The following CNTNAP3B variants were observed in gnomAD, a reference collection of about 807,000 sequenced individuals.
CNTNAP3B encodes the protein contactin associated protein family member 3B, also known as contactin-associated protein-like 3B.
CNTNAP3B carries 25 observed loss-of-function variants against 108.9 expected under a neutral mutation model. The ratio of observed to expected loss-of-function variants is 0.23; its 90% CI spans 0.17 to 0.32. CNTNAP3B has a LOEUF of 0.32. CNTNAP3B is among the 10% of genes least tolerant of loss of function. The pLI is 1.00. For missense variants in CNTNAP3B, 252 were observed against 1,210.4 expected (o/e 0.21, Z 11.75); for synonymous variants, 103 against 473.4 (o/e 0.22, Z 10.16).
At chr9:41,934,003 T>C (rs556566973) in intron 14 of CNTNAP3B, among the ~76,000 whole-genome samples, 5 of 151,626 alleles carry the variant, frequency 3.3e-5, no homozygotes, top group Non-Finnish European at 5.9e-5. Flanking sequence ...AATTATAATA[T>C]TAAAATATTC....
At chr9:41,954,873 CG>C (rs1824807471) in intron 12 of CNTNAP3B, among the ~76,000 whole-genome samples, 1 of 152,138 alleles carries the variant, frequency 6.6e-6, no homozygotes, top group Non-Finnish European at 1.5e-5. Context: ...TTGGTAGAGA[CG>C]GGGGTTTCAC....
chr9:42,117,624 GC>G (rs1395910904), intron 1 of CNTNAP3B, among the ~76,000 whole-genome samples: 5 of 137,088 alleles, frequency 3.6e-5, no homozygotes, highest in African/African-American at 1.5e-4. Flanking sequence ...AACCAGAGAA[GC>G]AAGAGCAAAC....
chr9:42,119,936 C>T lies in CNTNAP3B; in HGVS notation c.85+9074G>A, dbSNP rs1176886511. Among the ~76,000 whole-genome samples, 6 of 140,038 alleles carry T rather than the reference C, an allele frequency of 4.3e-5. 1 individual carries two copies. Among genetic ancestry groups the T allele is most frequent in the African/African-American group, 1.4e-4 (5 of 35,434 alleles). 91.9% of individuals were successfully genotyped at this position (140,038 alleles called of 152,430 possible). ...ATGGGCAAGGACTTCATGTCTAAAACACCAAAAGCAATGGCAACAAAAGCC... is the reference window on the plus strand; with the variant it reads ...ATGGGCAAGGACTTCATGTCTAAAATACCAAAAGCAATGGCAACAAAAGCC... On this transcript the variant is annotated intron_variant, in intron 1 of 23. Coordinates refer to ENST00000377561, the MANE Select transcript of CNTNAP3B (RefSeq NM_001201380.3).
chr9:41,981,735 C>T (rs1487331654), intron 9 of CNTNAP3B, among the ~76,000 whole-genome samples: 1 of 34,488 alleles, frequency 2.9e-5, no homozygotes, highest in Non-Finnish European at 5.4e-5. Context: ...ATACAAAAAT[C>T]AACTCAAGAT....
chr9:41,972,936 C>CTTT (rs1212724871), intron 9 of CNTNAP3B, among the ~76,000 whole-genome samples: 11 of 47,800 alleles, frequency 2.3e-4, no homozygotes, highest in Non-Finnish European at 3.5e-4. Context: ...CTTAGGTTAT[C>CTTT]TTTTTTTTTT....
intron 13 of CNTNAP3B, among the ~76,000 whole-genome samples, chr9:41,942,522 A>G (rs78378003): frequency 2.0e-4 from 30 of 151,046 alleles, no homozygotes; most frequent in Non-Finnish European, 4.1e-4. Context: ...GAGGCGGGAG[A>G]ATGGCGTGAA....
Position 42,113,428 on chromosome 9 carries a change from C to T in CNTNAP3B, c.86-8689G>A, listed in dbSNP as rs1168442474. On this transcript the variant is annotated intron_variant, in intron 1 of 23. Transcript: ENST00000377561. ...AGATTTTTGGCTAAAGTATATAATA[C>T]GAGAATAAGACGAACCTATTTTTTT... 4.3e-5 allele frequency among the ~76,000 whole-genome samples: 6 copies of T among 139,104 alleles called. 1 individual carries two copies. The highest frequency in any genetic ancestry group is 9.2e-5 in the Non-Finnish European group (6 of 64,936). 91.3% of individuals were successfully genotyped at this position (139,104 alleles called of 152,430 possible).
intron 10 of CNTNAP3B, among the ~76,000 whole-genome samples, chr9:41,967,625 A>G (rs1245870442): frequency 2.0e-5 from 3 of 152,284 alleles, no homozygotes; most frequent in Non-Finnish European, 4.4e-5. Flanking sequence ...AATTTTCAGT[A>G]TTTTCAGGTT....
chr9:41,940,594 C>T (rs1313354533), intron 13 of CNTNAP3B, among the ~76,000 whole-genome samples: 2 of 152,262 alleles, frequency 1.3e-5, no homozygotes, highest in African/African-American at 2.4e-5. Flanking sequence ...CCGAGGTGGG[C>T]GGATCACGAG....
chr9:42,100,452 C>T lies in CNTNAP3B; in HGVS notation c.196+4177G>A, dbSNP rs1222147256. Among the ~76,000 whole-genome samples the T allele has an allele frequency of 8.8e-4, 29 of 33,000 alleles. 10 individuals carry two copies. The highest frequency in any genetic ancestry group is 2.0e-3 in the African/African-American group (29 of 14,382). The allele number at this position is 33,000 out of a possible 152,430, so 21.6% of individuals were successfully genotyped here. On this transcript the variant is annotated intron_variant, in intron 2 of 23. Transcript: ENST00000377561. ...ACCCTCCCTTATGCTAGAATGCTTA[C>T]TTATGGGGATACTAAAAACACTAGG...
intron 1 of CNTNAP3B, among the ~76,000 whole-genome samples, chr9:42,113,504 C>A (rs1208028410): frequency 7.2e-6 from 1 of 139,028 alleles, no homozygotes; most frequent in Non-Finnish European, 1.5e-5. Flanking sequence ...AAAATTAAGT[C>A]GTGCAGAAAG....
chr9:41,973,085 G>T (rs374820009), intron 9 of CNTNAP3B, among the ~76,000 whole-genome samples: 1 of 139,496 alleles, frequency 7.2e-6, no homozygotes, highest in Non-Finnish European at 1.5e-5. Flanking sequence ...CTACAGACAC[G>T]CACCACCATG....
intron 17 of CNTNAP3B, among the ~76,000 whole-genome samples, chr9:41,921,196 G>A (rs927359510): frequency 4.6e-5 from 7 of 152,416 alleles, no homozygotes; most frequent in African/African-American, 1.7e-4. Flanking sequence ...GCTGATTCTA[G>A]GTGAATTTTA....
intron 13 of CNTNAP3B, among the ~76,000 whole-genome samples, chr9:41,946,033 G>A (rs1824524938): frequency 6.6e-6 from 1 of 152,160 alleles, no homozygotes; most frequent in East Asian, 1.9e-4. Flanking sequence ...ATAACAAGAA[G>A]ATATAATAAT....
chr9:41,982,238 AG>A (rs1354056356), intron 9 of CNTNAP3B, among the ~76,000 whole-genome samples: 1 of 60,736 alleles, frequency 1.6e-5, no homozygotes. Context: ...ATTAAACTAA[AG>A]GGTTTCTGCA....
chr9:42,003,158 G>T (rs541276536), intron 4 of CNTNAP3B, among the ~76,000 whole-genome samples: 1 of 139,586 alleles, frequency 7.2e-6, no homozygotes, highest in Non-Finnish European at 1.5e-5. Context: ...CAAAGTGCTG[G>T]GATTACAGGC....
intron 4 of CNTNAP3B, among the ~76,000 whole-genome samples, chr9:42,002,871 C>T (rs2320750): frequency 0.35 from 45,193 of 130,866 alleles, 11,815 homozygotes; most frequent in South Asian, 0.42. Flanking sequence ...TATTTCCTTA[C>T]GCCATATTTT....
intron 14 of CNTNAP3B, among the ~76,000 whole-genome samples, chr9:41,934,906 A>G (rs1339035218): frequency 1.3e-5 from 2 of 152,408 alleles, no homozygotes; most frequent in African/African-American, 4.8e-5. Context: ...TTACTTTTAA[A>G]GACTCTAAGA....
intron 1 of CNTNAP3B, among the ~76,000 whole-genome samples, chr9:42,116,317 C>T (rs28815011): frequency 0.31 from 39,974 of 127,016 alleles, 9,729 homozygotes; most frequent in South Asian, 0.4. Context: ...AGACTAACAG[C>T]GGATCTCTCG....
Sources: gnomAD v4.1 joint callset for allele counts (sites outside exome capture counted in the v4.1 genomes callset) on GRCh38, gnomAD v4.1.1 for gene constraint, MANE v1.5 for transcripts, NCBI Gene and HGNC (gene_info 2026-07-23, HGNC 2026-07-21) for gene names.